The following RBPJL variants were observed in gnomAD, a reference collection of about 807,000 sequenced individuals.
RBPJL encodes the protein recombination signal binding protein for immunoglobulin kappa J region like.
In RBPJL, 50 loss-of-function variants were observed where a neutral mutation model predicts 57.6. The observed-to-expected ratio is 0.87, with a 90% CI of 0.69 to 1.10. The LOEUF (loss-of-function observed/expected upper bound fraction) is 1.10. RBPJL is among the 50% of genes least tolerant of loss of function. The pLI, the probability that RBPJL is intolerant of heterozygous loss-of-function variation, is 0.00. For synonymous variants in RBPJL, 303 were observed against 294.4 expected, an observed-to-expected ratio of 1.03 and a Z score of -0.30; for missense variants, 684 against 693.7, an observed-to-expected ratio of 0.99 and a Z score of 0.16.
chr20:45,312,202 G>A lies in RBPJL; in HGVS notation c.445-19G>A, dbSNP rs1987212367. 3.1e-6 allele frequency: 5 copies of A among 1,613,990 alleles called. No homozygotes were observed. The highest frequency in any genetic ancestry group is 3.4e-6 in the Non-Finnish European group (4 of 1,180,012). On this transcript the variant is annotated intron_variant, in intron 5 of 11. Coordinates refer to ENST00000343694, the MANE Select transcript of RBPJL (RefSeq NM_014276.4). ...GGGAGGGCTGGGATGAGATGGCCCT[G>A]TACCTGTGAGCCCCCTAGGAATTCG...
At chr20:45,316,653 G>C (rs61739390) in intron 11 of RBPJL, 33 bp from the exon 12 acceptor site, 1 of 1,541,340 alleles carries the variant, frequency 6.5e-7, no homozygotes, top group South Asian at 1.2e-5. Flanking sequence ...CGTCGGAGTC[G>C]CCGCAGCCCT....
At chr20:45,313,290 C>T (rs971278891) in intron 6 of RBPJL, among the ~76,000 whole-genome samples, 178 bp from the exon 7 acceptor site, 1 of 152,000 alleles carries the variant, frequency 6.6e-6, no homozygotes, top group Non-Finnish European at 1.5e-5. Flanking sequence ...CTCACCCTAA[C>T]CCTCACCCTA....
At chr20:45,308,327 T>A in intron 2 of RBPJL, 76 bp downstream of exon 2, 1 of 994,280 alleles carries the variant, frequency 1.0e-6, no homozygotes, top group Non-Finnish European at 1.6e-6. Flanking sequence ...CGGCCGCATT[T>A]AACCCAGGGC....
At chr20:45,315,118 T>G (rs1026043759) in intron 9 of RBPJL, among the ~76,000 whole-genome samples, 9 of 151,906 alleles carry the variant, frequency 5.9e-5, no homozygotes, top group African/African-American at 2.2e-4. Context: ...GATATAAAAT[T>G]GTAGGATGTA....
At chr20:45,309,015 G>A (rs888767715) in intron 2 of RBPJL, among the ~76,000 whole-genome samples, 4 of 152,094 alleles carry the variant, frequency 2.6e-5, no homozygotes, top group African/African-American at 9.7e-5. Context: ...GATTCCCCCA[G>A]GCCATCCCCC....
At chr20:45,313,438 T>C (rs753648152) in intron 6 of RBPJL, 30 bp from the exon 7 acceptor site, 2 of 1,575,248 alleles carry the variant, frequency 1.3e-6, no homozygotes, top group Non-Finnish European at 1.7e-6. Flanking sequence ...ACCCTCACCC[T>C]CACCCTAACC....
rs529744599 is a variant in RBPJL, at chr20:45,310,712, G to T, written c.258-877G>T. 6.6e-5 allele frequency among the ~76,000 whole-genome samples: 10 copies of T among 152,314 alleles called. No individual in the cohort carries two copies. In the East Asian group the frequency reaches 1.7e-3, roughly 26 times the overall value. ...GTGGCTGAAATCAGAGGGAGGAGTT[G>T]TAGGAAACAAGTCAGAGAGGTAAGC... On this transcript the variant is annotated intron_variant, in intron 3 of 11. Coordinates refer to ENST00000343694, the MANE Select transcript of RBPJL (RefSeq NM_014276.4).
rs1987049794 is a variant in RBPJL, at chr20:45,309,699, G to A, written c.257+7G>A. The A allele has an allele frequency of 6.2e-7, 1 of 1,613,268 alleles. No individual in the cohort carries two copies. On this transcript the variant is annotated splice_region_variant and intron_variant, in intron 3 of 11. Coordinates refer to ENST00000343694, the MANE Select transcript of RBPJL (RefSeq NM_014276.4). ...CATACGGAAATGAGAAGCGGTAGGT[G>A]CCTCCGCAGCCCCTCCCAGGTCTCT... is the stretch of plus-strand genomic sequence containing the variant.
chr20:45,313,007 C>CAA (rs11476630), intron 6 of RBPJL, among the ~76,000 whole-genome samples: 12 of 121,900 alleles, frequency 9.8e-5, no homozygotes, highest in South Asian at 2.9e-4. Flanking sequence ...GATGCTATCT[C>CAA]AAAAAAAAAA....
intron 9 of RBPJL, among the ~76,000 whole-genome samples, chr20:45,315,263 A>G (rs553918085): frequency 2.6e-5 from 4 of 152,220 alleles, no homozygotes; most frequent in African/African-American, 7.2e-5. Flanking sequence ...TAGTACTCCC[A>G]AAAGAATATT....
intron 6 of RBPJL, among the ~76,000 whole-genome samples, chr20:45,313,185 A>G (rs377071554): frequency 6.6e-6 from 1 of 152,132 alleles, no homozygotes. Context: ...GCACAGGGAC[A>G]GAAGATTGGA....
At chr20:45,309,275 G>A (rs1049976619) in intron 2 of RBPJL, among the ~76,000 whole-genome samples, 5 of 152,140 alleles carry the variant, frequency 3.3e-5, no homozygotes, top group African/African-American at 9.7e-5. Context: ...GGCTCCAATG[G>A]GCATGATGCC....
In RBPJL at chr20:45,316,532, C is replaced by T. The variant is rs1202411768; in HGVS notation, c.1232C>T (p.Ala411Val). Residue 411 changes from alanine to valine, a missense_variant, in exon 11 of 12, where the codon GCG becomes GTG. By Grantham distance (64) the Ala-to-Val change is moderately conservative (BLOSUM62 0). Coordinates refer to ENST00000343694, the MANE Select transcript of RBPJL (RefSeq NM_014276.4). ...GAGCTCCACGGAGAGAACTTCCACG[C>T]GGGGCTCAAGGTGTGGTTTGGGGAC... is the stretch of plus-strand genomic sequence containing the variant. The part of the protein sequence containing the change: ...TLELHGENFH[A>V]GLKVWFGDVE... The T allele has an allele frequency of 1.3e-6, 2 of 1,541,378 alleles. No individual in the cohort carries two copies. Among genetic ancestry groups the T allele is most frequent in the Non-Finnish European group, 1.7e-6 (2 of 1,144,220 alleles).
At chr20:45,311,116 C>CAAA (rs34206228) in intron 3 of RBPJL, among the ~76,000 whole-genome samples, 13 of 91,518 alleles carry the variant, frequency 1.4e-4, no homozygotes, top group African/African-American at 3.1e-4. Context: ...GACCCTGCCT[C>CAAA]AAAAAAAAAA....
At chr20:45,312,055 G>T in intron 5 of RBPJL, 101 bp downstream of exon 5, 1 of 1,415,402 alleles carries the variant, frequency 7.1e-7, no homozygotes, top group East Asian at 2.3e-5. Context: ...GAGATAGGTG[G>T]GGAGACCGGG....
intron 5 of RBPJL, 101 bp downstream of exon 5, chr20:45,312,055 G>C: frequency 7.1e-7 from 1 of 1,415,402 alleles, no homozygotes; most frequent in East Asian, 2.3e-5. Flanking sequence ...GAGATAGGTG[G>C]GGAGACCGGG....
chr20:45,311,616 C>T lies in RBPJL; in HGVS notation c.285C>T (p.Tyr95=), dbSNP rs766780362. 5.6e-6 allele frequency: 9 copies of T among 1,614,190 alleles called. No homozygotes were observed. The highest frequency in any genetic ancestry group is 7.6e-6 in the Non-Finnish European group (9 of 1,180,016). ...KRFFCPPPCV[Y]LSGPGWRVKP... is the part of the protein sequence containing the mutation. ...TCTTCTGCCCCCCGCCCTGTGTCTA[C>T]CTCTCGGGGCCTGGCTGGAGGGTGA... The change falls in exon 4 of 12, where the codon TAC becomes TAT. Residue 95 remains tyrosine, a synonymous_variant. Coordinates refer to ENST00000343694, the MANE Select transcript of RBPJL (RefSeq NM_014276.4).
Position 45,316,236 on chromosome 20 carries a change from C to G in RBPJL, c.1070C>G (p.Ser357Cys), listed in dbSNP as rs1568895944. Residue 357 changes from serine (S) to cysteine (C), a missense_variant, in exon 10 of 12, where the codon TCT becomes TGT. Ser to Cys is a moderately radical substitution (Grantham distance 112, BLOSUM62 -1). Coordinates refer to ENST00000343694, the MANE Select transcript of RBPJL (RefSeq NM_014276.4). ...AACAGGGCTCTGCTTAACGACAGCT[C>G]TTGCTGGACCATCATCGGCACCGAG... is the stretch of plus-strand genomic sequence containing the variant. Reference protein sequence around the residue: ...EANRALLNDSSCWTIIGTESV... With the variant: ...EANRALLNDSCCWTIIGTESV... The G allele has an allele frequency of 6.2e-7, 1 of 1,614,268 alleles. No homozygotes were observed. Among genetic ancestry groups the G allele is most frequent in the Non-Finnish European group, 8.5e-7 (1 of 1,180,048 alleles).
At chr20:45,313,909 G>A (rs1987320817) in intron 7 of RBPJL, 126 bp from the exon 8 acceptor site, 2 of 756,656 alleles carry the variant, frequency 2.6e-6, no homozygotes, top group South Asian at 1.7e-5. Flanking sequence ...TGGCTCCCCT[G>A]AGTACCAAGC....
Sources: gnomAD v4.1 joint callset for allele counts (sites outside exome capture counted in the v4.1 genomes callset) on GRCh38, gnomAD v4.1.1 for gene constraint, MANE v1.5 for transcripts, NCBI Gene and HGNC (gene_info 2026-07-23, HGNC 2026-07-21) for gene names.